The following EIF4EBP2 variants were observed in gnomAD, a reference collection of about 807,000 sequenced individuals.
EIF4EBP2 encodes eukaryotic translation initiation factor 4E-binding protein 2.
EIF4EBP2 carries 5 observed loss-of-function variants against 10.3 expected under a neutral mutation model. The observed-to-expected ratio is 0.48, with a 90% CI of 0.25 to 1.02. The LOEUF (loss-of-function observed/expected upper bound fraction) is 1.02, where lower values mean the gene tolerates loss of function less well. Ranked by LOEUF, EIF4EBP2 falls within the 50% of genes least tolerant of loss-of-function variation. The pLI is 0.15. For synonymous variants in EIF4EBP2, 67 were observed against 61.1 expected (o/e 1.10, Z -0.45); for missense variants, 188 against 162.2 (o/e 1.16, Z -0.86).
At chr10:70,420,345 G>T (rs1002979480) in intron 2 of EIF4EBP2, among the ~76,000 whole-genome samples, 1 of 152,084 alleles carries the variant, frequency 6.6e-6, no homozygotes, top group Non-Finnish European at 1.5e-5. Flanking sequence ...GATTACAGGC[G>T]CCTGCCACCA....
rs1315957727 is a variant in EIF4EBP2 at position 70,419,964 on chromosome 10, C to T, written c.196C>T (p.Pro66Ser). ...GTTTCTGTTGGATCGTCGCAATTCT[C>T]CCATGGCTCAGACCCCACCCTGCCA... The part of the protein sequence containing the change: ...RKFLLDRRNS[P>S]MAQTPPCHLP... Residue 66 changes from proline (P) to serine (S), a missense_variant, in exon 2 of 3, where the codon CCC becomes TCC. By Grantham distance (74) the Pro-to-Ser change is moderately conservative (BLOSUM62 -1). Transcript: ENST00000373218. The T allele has an allele frequency of 5.0e-6, 8 of 1,603,936 alleles. No homozygotes were observed. The highest frequency in any genetic ancestry group is 4.5e-5 in the East Asian group (2 of 44,478).
Position 70,415,166 on chromosome 10 carries a change from A to T in EIF4EBP2, c.146-4748A>T, listed in dbSNP as rs199684450. 2.2e-3 allele frequency among the ~76,000 whole-genome samples: 328 copies of T among 152,182 alleles called. 8 individuals are homozygous for T. The East Asian group carries it at 0.047, about 22-fold the overall frequency. On this transcript the variant is annotated intron_variant, in intron 1 of 2. Transcript: ENST00000373218. ...GAGCAAGACCCTCTCTCGAAAAAAA[A>T]AAAAAAGAAAAGAAAAAGAAAGCAA...
chr10:70,421,847 C>G lies in EIF4EBP2; in HGVS notation c.*100C>G. On this transcript the variant is annotated 3_prime_UTR_variant, in exon 3 of 3. Coordinates refer to ENST00000373218, the MANE Select transcript of EIF4EBP2 (RefSeq NM_004096.5). The stretch of plus-strand genomic sequence containing the variant: ...AGTGAAAAGACAGAAGAGGCAATAC[C>G]AGCAGTCCCCATTACAGTCTCCACC... 2 of 1,124,592 alleles carry G rather than the reference C, an allele frequency of 1.8e-6. No individual in the cohort carries two copies. The highest frequency in any genetic ancestry group is 2.6e-5 in the South Asian group (2 of 76,242). 69.7% of individuals were successfully genotyped at this position (1,124,592 alleles called of 1,614,324 possible). A position where few individuals can be genotyped will look rare whatever the true frequency, so the allele number is the denominator to read the frequency against.
Position 70,421,704 on chromosome 10 carries a change from G to T in EIF4EBP2, c.332-12G>T, listed in dbSNP as rs3793809. 1,197,265 of 1,609,820 alleles carry T rather than the reference G, an allele frequency of 0.74. 447,501 individuals carry two copies. The highest frequency in any genetic ancestry group is 0.95 in the East Asian group (42,824 of 44,868). On this transcript the variant is annotated splice_polypyrimidine_tract_variant and intron_variant, in intron 2 of 2. Transcript: ENST00000373218. ...TACGTGCTAAACTCTTCATTTTATTGGTCCTAACTAGGGGATGATGCTCAG... is the reference window on the plus strand; with the variant it reads ...TACGTGCTAAACTCTTCATTTTATTTGTCCTAACTAGGGGATGATGCTCAG...
At chr10:70,409,970 GA>G (rs1235449694) in intron 1 of EIF4EBP2, among the ~76,000 whole-genome samples, 1 of 152,012 alleles carries the variant, frequency 6.6e-6, no homozygotes, top group Non-Finnish European at 1.5e-5. Flanking sequence ...GATGGGTTTG[GA>G]AAAAAGGAGA....
chr10:70,413,187 T>C (rs1045750702), intron 1 of EIF4EBP2, among the ~76,000 whole-genome samples: 5 of 152,222 alleles, frequency 3.3e-5, no homozygotes, highest in African/African-American at 1.2e-4. Flanking sequence ...ATTATCATTT[T>C]TGGCTCCTCT....
In EIF4EBP2 at chr10:70,424,414, T is replaced by A. The variant is rs1845187239; in HGVS notation, c.*2667T>A. ...TTTCTTTTATCTTATGGAGATAAAT[T>A]GGCATTTAAAAAATAATTTCACAAG... On this transcript the variant is annotated 3_prime_UTR_variant, in exon 3 of 3. Coordinates refer to ENST00000373218, the MANE Select transcript of EIF4EBP2 (RefSeq NM_004096.5). The A allele has an allele frequency of 6.6e-6, 1 of 152,230 alleles. No homozygotes were observed. Among genetic ancestry groups the A allele is most frequent in the African/African-American group, 2.4e-5 (1 of 41,476 alleles). 9.4% of individuals were successfully genotyped at this position (152,230 alleles called of 1,614,324 possible).
chr10:70,413,609 CAAAAAAAAAAAA>C (rs57681671), intron 1 of EIF4EBP2, among the ~76,000 whole-genome samples: 5 of 97,370 alleles, frequency 5.1e-5, no homozygotes, highest in African/African-American at 1.6e-4. Context: ...CCCTGACTCT[CAAAAAAAAAAAA>C]AAAAAAAAAA....
chr10:70,408,801 CAG>C (rs1845010960), intron 1 of EIF4EBP2, among the ~76,000 whole-genome samples: 1 of 152,258 alleles, frequency 6.6e-6, no homozygotes, highest in Non-Finnish European at 1.5e-5. Context: ...TAGGGGCAGA[CAG>C]ATAAGATTTT....
In EIF4EBP2 at chr10:70,426,169, T is replaced by C. The variant is rs1178887203; in HGVS notation, c.*4422T>C. On this transcript the variant is annotated 3_prime_UTR_variant, in exon 3 of 3. Transcript: ENST00000373218. ...AGTTTTTCAGTTTAAGACATTCTAGTGAATGGCTGCTATGTGTTTCTGGCA... is the reference window on the plus strand; with the variant it reads ...AGTTTTTCAGTTTAAGACATTCTAGCGAATGGCTGCTATGTGTTTCTGGCA... 1 of 152,264 alleles carries C rather than the reference T, an allele frequency of 6.6e-6. No homozygotes were observed. The highest frequency in any genetic ancestry group is 1.5e-5 in the Non-Finnish European group (1 of 68,048). The allele number at this position is 152,264 out of a possible 1,614,324, so 9.4% of individuals were successfully genotyped here.
intron 1 of EIF4EBP2, 78 bp from the exon 2 acceptor site, chr10:70,419,836 T>C (rs940519082): frequency 9.5e-7 from 1 of 1,056,960 alleles, no homozygotes; most frequent in Admixed American, 2.7e-5. Flanking sequence ...ACATGGGATT[T>C]AAATTAAATT....
At chr10:70,421,245 T>G (rs1484947307) in intron 2 of EIF4EBP2, among the ~76,000 whole-genome samples, 1 of 152,224 alleles carries the variant, frequency 6.6e-6, no homozygotes, top group Non-Finnish European at 1.5e-5. Context: ...AGAAGCAGAA[T>G]GGTGCGGTAG....
intron 1 of EIF4EBP2, 152 bp downstream of exon 1, chr10:70,404,698 C>CT (rs950118611): frequency 2.8e-6 from 3 of 1,064,492 alleles, no homozygotes; most frequent in Middle Eastern, 3.2e-4. Context: ...GTTCGGGACC[C>CT]TTTACTTCGT....
chr10:70,408,929 A>C (rs1418479458), intron 1 of EIF4EBP2, among the ~76,000 whole-genome samples: 1 of 152,214 alleles, frequency 6.6e-6, no homozygotes, highest in Non-Finnish European at 1.5e-5. Context: ...GGAGGGGATT[A>C]ACATTTCCTG....
At chr10:70,407,659 C>T (rs1172193239) in intron 1 of EIF4EBP2, among the ~76,000 whole-genome samples, 1 of 151,586 alleles carries the variant, frequency 6.6e-6, no homozygotes, top group African/African-American at 2.4e-5. Flanking sequence ...GGTGGCCGGG[C>T]AGAGGGGCTC....
intron 1 of EIF4EBP2, among the ~76,000 whole-genome samples, chr10:70,409,357 C>T (rs1589146042): frequency 6.6e-6 from 1 of 151,928 alleles, no homozygotes; most frequent in East Asian, 1.9e-4. Context: ...TTGGTTCTTC[C>T]ATTGAGAAGC....
intron 1 of EIF4EBP2, among the ~76,000 whole-genome samples, chr10:70,417,072 C>T (rs1320078457): frequency 4.6e-5 from 7 of 152,162 alleles, no homozygotes; most frequent in Admixed American, 2.6e-4. Context: ...ACCCATTTAT[C>T]AGTTGATGGA....
intron 1 of EIF4EBP2, among the ~76,000 whole-genome samples, chr10:70,406,056 A>G (rs1404399028): frequency 6.6e-6 from 1 of 152,140 alleles, no homozygotes; most frequent in South Asian, 2.1e-4. Context: ...ACCTCGGCTC[A>G]CTGCACTCTC....
intron 1 of EIF4EBP2, among the ~76,000 whole-genome samples, chr10:70,404,875 C>T (rs374041019): frequency 1.2e-4 from 18 of 152,372 alleles, no homozygotes; most frequent in East Asian, 1.2e-3. Flanking sequence ...TCCACTTGGC[C>T]TTGCATTACA....
Sources: gnomAD v4.1 joint callset for allele counts (sites outside exome capture counted in the v4.1 genomes callset) on GRCh38, gnomAD v4.1.1 for gene constraint, MANE v1.5 for transcripts, NCBI Gene and HGNC (gene_info 2026-07-23, HGNC 2026-07-21) for gene names.